ANKFN1: variants seen among roughly 807,000 people sequenced by gnomAD.
ANKFN1 encodes ankyrin repeat and fibronectin type III domain containing 1.
ANKFN1 carries 74 observed loss-of-function variants against 108.7 expected under a neutral mutation model. That is an observed-to-expected ratio of 0.68 (90% confidence interval 0.56 to 0.83). The LOEUF (loss-of-function observed/expected upper bound fraction) is 0.83. Ranked by LOEUF, ANKFN1 falls within the 40% of genes least tolerant of loss-of-function variation. ANKFN1 has a pLI of 0.00. For synonymous variants in ANKFN1, 547 were observed against 516.2 expected, an observed-to-expected ratio of 1.06 and a Z score of -0.81; for missense variants, 1,505 against 1,382.3, an observed-to-expected ratio of 1.09 and a Z score of -1.41.
Position 56,128,158 on chromosome 17 carries a change from T to C in ANKFN1, c.288+81833T>C, listed in dbSNP as rs16956679. On this transcript the variant is annotated intron_variant, in intron 4 of 12. Transcript: ENST00000635860. ...CATCGACAGGTTAAAAAAAGAGAGC[T>C]CTTGCTCAGAAAGAGCTAGAAAGAC... Among the ~76,000 whole-genome samples, 8 of 151,936 alleles carry C rather than the reference T, an allele frequency of 5.3e-5. No homozygotes were observed. The South Asian group carries it at 1.2e-3, about 24-fold the overall frequency.
chr17:56,166,359 A>G (rs1331019458), intron 1 of ANKFN1, among the ~76,000 whole-genome samples: 1 of 152,208 alleles, frequency 6.6e-6, no homozygotes, highest in Non-Finnish European at 1.5e-5. Context: ...CTTGGAATTC[A>G]TCATTAATTG....
intron 8 of ANKFN1, among the ~76,000 whole-genome samples, chr17:56,435,939 C>G (rs770831799): frequency 1.3e-5 from 2 of 152,062 alleles, no homozygotes; most frequent in Non-Finnish European, 2.9e-5. Context: ...ATACTATGTT[C>G]TCTGCTTGGG....
chr17:56,425,748 C>T (rs1397759584), intron 8 of ANKFN1, among the ~76,000 whole-genome samples: 1 of 152,230 alleles, frequency 6.6e-6, no homozygotes, highest in African/African-American at 2.4e-5. Context: ...TTATCCCTAA[C>T]CACTCCCTGC....
chr17:56,456,216 G>C (rs2049689019), intron 11 of ANKFN1, among the ~76,000 whole-genome samples: 1 of 152,148 alleles, frequency 6.6e-6, no homozygotes, highest in South Asian at 2.1e-4. Flanking sequence ...AAGGGCAAAG[G>C]AGTTGATTCC....
rs375349934 is a variant in ANKFN1, at chr17:56,399,931, A to G, written c.910+25217A>G. ...ATATATATATATTATATATAGTGAT[A>G]TATATACAGTGATATATATATATAT... is the stretch of plus-strand genomic sequence containing the variant. On this transcript the variant is annotated intron_variant, in intron 8 of 20. Coordinates refer to ENST00000682825, the MANE Select transcript of ANKFN1 (RefSeq NM_001370326.1). Among the ~76,000 whole-genome samples, 27 of 146,312 alleles carry G rather than the reference A, an allele frequency of 1.8e-4. No individual in the cohort carries two copies. The East Asian group carries it at 4.0e-3, about 21-fold the overall frequency.
At chr17:56,246,324 A>C (rs1917952370) in intron 3 of ANKFN1, among the ~76,000 whole-genome samples, 1 of 152,154 alleles carries the variant, frequency 6.6e-6, no homozygotes, top group Non-Finnish European at 1.5e-5. Flanking sequence ...TTATCTGTTC[A>C]TCTCCTAAGA....
chr17:56,090,615 C>G (rs1339883598), intron 4 of ANKFN1, among the ~76,000 whole-genome samples: 1 of 151,014 alleles, frequency 6.6e-6, no homozygotes. Flanking sequence ...TAAAGTGTTG[C>G]TTATTTTTTC....
chr17:56,243,620 T>C (rs796474403), intron 3 of ANKFN1, among the ~76,000 whole-genome samples: 13 of 152,256 alleles, frequency 8.5e-5, no homozygotes, highest in African/African-American at 3.1e-4. Flanking sequence ...GTTGCTAAAC[T>C]CCTAGCCCTC....
chr17:56,380,286 A>G (rs1480458311), intron 8 of ANKFN1, among the ~76,000 whole-genome samples: 2 of 152,174 alleles, frequency 1.3e-5, no homozygotes, highest in African/African-American at 4.8e-5. Flanking sequence ...GCTAATTAAG[A>G]AAAACTTTAG....
In ANKFN1 at chr17:56,308,179, T is replaced by C. The variant is rs184041781; in HGVS notation, c.54-18042T>C. 1.9e-4 allele frequency among the ~76,000 whole-genome samples: 29 copies of C among 151,858 alleles called. 1 individual carries two copies. The East Asian group carries it at 3.9e-3, about 20-fold the overall frequency. ...GTGCAGCACACCAACATAGCACATG[T>C]ATACATATGTAACTAACATGCACGT... On this transcript the variant is annotated intron_variant, in intron 3 of 20. Coordinates refer to ENST00000682825, the MANE Select transcript of ANKFN1 (RefSeq NM_001370326.1).
chr17:56,424,139 G>A (rs574933399), intron 8 of ANKFN1, among the ~76,000 whole-genome samples: 1 of 152,274 alleles, frequency 6.6e-6, no homozygotes, highest in South Asian at 2.1e-4. Context: ...GAAGGTGGGT[G>A]CACTAAGGGG....
At chr17:56,152,367 A>G (rs956782596), upstream of ANKFN1, among the ~76,000 whole-genome samples, 1 of 151,620 alleles carries the variant, frequency 6.6e-6, no homozygotes, top group African/African-American at 2.4e-5. Context: ...TTAAGCCCAG[A>G]TCACCTGCAG....
chr17:56,439,267 A>G (rs1474414327), intron 8 of ANKFN1, among the ~76,000 whole-genome samples: 1 of 152,276 alleles, frequency 6.6e-6, no homozygotes, highest in South Asian at 2.1e-4. Flanking sequence ...ATGTCATTTA[A>G]ATCTTAAGAT....
At chr17:56,357,176 T>A (rs778703654) in intron 6 of ANKFN1, among the ~76,000 whole-genome samples, 1 of 152,160 alleles carries the variant, frequency 6.6e-6, no homozygotes, top group Non-Finnish European at 1.5e-5. Context: ...TCACCTTGGC[T>A]ACCTAAGAAG....
chr17:56,188,607 A>G (rs1412715439), intron 1 of ANKFN1, among the ~76,000 whole-genome samples: 1 of 134,686 alleles, frequency 7.4e-6, no homozygotes, highest in African/African-American at 2.9e-5. Flanking sequence ...ATATATATAT[A>G]TATATATATG....
intron 4 of ANKFN1, among the ~76,000 whole-genome samples, chr17:56,331,397 T>C (rs922855246): frequency 3.3e-5 from 5 of 152,184 alleles, no homozygotes; most frequent in African/African-American, 1.2e-4. Flanking sequence ...ATATGCTATG[T>C]CTTACAACTG....
At chr17:56,196,878 C>T (rs150304716) in intron 1 of ANKFN1, among the ~76,000 whole-genome samples, 6 of 152,314 alleles carry the variant, frequency 3.9e-5, no homozygotes, top group African/African-American at 1.4e-4. Context: ...AGGTCATGCA[C>T]ATTGTGTCAT....
intron 4 of ANKFN1, among the ~76,000 whole-genome samples, chr17:56,340,136 C>A (rs2045922494): frequency 6.6e-6 from 1 of 152,084 alleles, no homozygotes; most frequent in African/African-American, 2.4e-5. Flanking sequence ...ATGTCCTTTG[C>A]CCACTTTTTG....
At chr17:56,154,452 G>A (rs1031167131) in intron 1 of ANKFN1, among the ~76,000 whole-genome samples, 9 of 152,078 alleles carry the variant, frequency 5.9e-5, no homozygotes, top group Admixed American at 3.9e-4. Flanking sequence ...GGAGGCCAGA[G>A]CACCGTTCAG....
Sources: allele counts gnomAD v4.1 joint callset (sites outside exome capture counted in the v4.1 genomes callset), GRCh38; gene constraint gnomAD v4.1.1; transcripts MANE v1.5; gene names NCBI Gene and HGNC (gene_info 2026-07-23, HGNC 2026-07-21).